Variants in TTN observed in about 807,000 individuals in gnomAD.
The protein encoded by TTN is titin, also known as connectin.
In TTN, 1,525 loss-of-function variants were observed where a neutral mutation model predicts 3,223.0. The observed-to-expected ratio is 0.47, with a 90% CI of 0.45 to 0.49. The LOEUF (loss-of-function observed/expected upper bound fraction) is 0.49, where lower values mean the gene tolerates loss of function less well. Among genes scored for constraint, TTN ranks in the 20% least tolerant of loss-of-function variants. The pLI is 0.00. For synonymous variants in TTN, 14,094 were observed against 15,161.0 expected (o/e 0.93, Z 5.17); for missense variants, 40,786 against 43,424.0 (o/e 0.94, Z 5.40).
Position 178,594,589 on chromosome 2 carries a change from G to A in TTN, c.57905C>T (p.Thr19302Ile). The change falls in exon 296 of 363, where the codon ACT becomes ATT. Residue 19302 changes from threonine (T) to isoleucine (I), a missense_variant. Thr to Ile is a moderately conservative substitution (Grantham distance 89). Coordinates refer to ENST00000589042, the MANE Select transcript of TTN (RefSeq NM_001267550.2). ...ATACTTAGGAGGATTCCAAGTCAAAGTTACAGTATTTTTAGTAACTTCTTT... is the reference window on the plus strand; with the variant it reads ...ATACTTAGGAGGATTCCAAGTCAAAATTACAGTATTTTTAGTAACTTCTTT... ...EVKEVTKNTVTLTWNPPKYDG... is the reference protein window; with the variant it reads ...EVKEVTKNTVILTWNPPKYDG... 6.2e-7 allele frequency: 1 copy of A among 1,612,834 alleles called. No homozygotes were observed.
intron 180 of TTN, among the ~76,000 whole-genome samples, chr2:178,660,716 G>A (rs1278772571): frequency 6.6e-6 from 1 of 152,304 alleles, no homozygotes; most frequent in Non-Finnish European, 1.5e-5. Flanking sequence ...CACAGCAAAG[G>A]AAACTACCAT....
Position 178,667,235 on chromosome 2 carries a change from C to G in TTN, c.35797+1G>C. On this transcript the variant is annotated splice_donor_variant, in intron 162 of 362. Coordinates refer to ENST00000589042, the MANE Select transcript of TTN (RefSeq NM_001267550.2). LOFTEE classifies it high-confidence loss of function. ...AGATTTTCCTAACTAGAGAATTATA[C>G]CTTCAGTTGGAGGATGTTCTGGAAT... 1 of 1,594,146 alleles carries G rather than the reference C, an allele frequency of 6.3e-7. No individual in the cohort carries two copies. Among genetic ancestry groups the G allele is most frequent in the Non-Finnish European group, 8.5e-7 (1 of 1,169,804 alleles).
chr2:178,705,438 T>C (rs528454657), intron 102 of TTN, 81 bp from the exon 103 acceptor site: 444 of 1,095,028 alleles, frequency 4.1e-4, no homozygotes, highest in Non-Finnish European at 5.1e-4. Flanking sequence ...AAAGATTATA[T>C]ACTTCATTAA....
In TTN at chr2:178,546,812, A is replaced by G. The variant is rs1697378195; in HGVS notation, c.94616T>C (p.Val31539Ala). 6.2e-7 allele frequency: 1 copy of G among 1,612,590 alleles called. No individual in the cohort carries two copies. The highest frequency in any genetic ancestry group is 1.1e-5 in the South Asian group (1 of 91,052). ...APAYDGGSKVVGYIIERKPVS... is the reference protein window; with the variant it reads ...APAYDGGSKVAGYIIERKPVS... Reference sequence around the variant, plus strand: ...TGGCTTACGCTCTATGATGTAGCCCACAACCTTGCTGCCTCCATCATACGC... The same window carrying G: ...TGGCTTACGCTCTATGATGTAGCCCGCAACCTTGCTGCCTCCATCATACGC... Residue 31539 changes from valine (V) to alanine (A), a missense_variant, in exon 341 of 363, where the codon GTG becomes GCG. Transcript: ENST00000589042.
Position 178,580,064 on chromosome 2 carries a change from C to G in TTN, c.67223G>C (p.Cys22408Ser). Residue 22408 changes from cysteine (C) to serine (S), a missense_variant, in exon 318 of 363, where the codon TGC (cysteine) becomes TCC (serine). Coordinates refer to ENST00000589042, the MANE Select transcript of TTN (RefSeq NM_001267550.2). ...RKSWSTVTTECSKTSFRVANL... is the reference protein window; with the variant it reads ...RKSWSTVTTESSKTSFRVANL... ...AGCTACTCTGAAGCTTGTTTTGGAG[C>G]ACTCAGTTGTCACTGTAGACCAGGA... 6.2e-7 allele frequency: 1 copy of G among 1,613,336 alleles called. No homozygotes were observed. The highest frequency in any genetic ancestry group is 1.3e-5 in the African/African-American group (1 of 74,992).
Position 178,729,271 on chromosome 2 carries a change from C to A in TTN, c.18868+17G>T, listed in dbSNP as rs922396967. ...TACAGAATTTTTATTTGATAGGCTG[C>A]TTCTTGTATAACTGACCTTTCAGGG... is the stretch of plus-strand genomic sequence containing the variant. On this transcript the variant is annotated intron_variant, in intron 64 of 362. Coordinates refer to ENST00000589042, the MANE Select transcript of TTN (RefSeq NM_001267550.2). The A allele has an allele frequency of 5.1e-6, 8 of 1,572,960 alleles. No individual in the cohort carries two copies. Among genetic ancestry groups the A allele is most frequent in the Non-Finnish European group, 5.2e-6 (6 of 1,160,556 alleles).
rs762321145 is a variant in TTN, at chr2:178,672,461, C to T, written c.34876G>A (p.Val11626Ile). 1 of 1,595,666 alleles carries T rather than the reference C, an allele frequency of 6.3e-7. No homozygotes were observed. Among genetic ancestry groups the T allele is most frequent in the Admixed American group, 1.8e-5 (1 of 55,682 alleles). The part of the protein sequence containing the change: ...PAKVPEVPKK[V>I]PEKKVLVPKK... ...GGCACAAGGACTTTCTTTTCTGGGA[C>T]TTTCTTTGGTACTTCAGGCACTTTA... The change falls in exon 154 of 363, where the codon GTC becomes ATC. Residue 11626 changes from valine to isoleucine, a missense_variant. By Grantham distance (29) the Val-to-Ile change is conservative. Coordinates refer to ENST00000589042, the MANE Select transcript of TTN (RefSeq NM_001267550.2).
intron 90 of TTN, 90 bp from the exon 91 acceptor site, chr2:178,714,663 G>A (rs970020839): frequency 7.3e-7 from 1 of 1,370,104 alleles, no homozygotes; most frequent in Admixed American, 2.6e-5. Context: ...TCAAACTAGT[G>A]ATAATGTGTT....
Position 178,610,239 on chromosome 2 carries a change from G to A in TTN, c.51287C>T (p.Pro17096Leu), listed in dbSNP as rs772628026. 5.6e-6 allele frequency: 9 copies of A among 1,612,964 alleles called. No individual in the cohort carries two copies. The highest frequency in any genetic ancestry group is 7.6e-6 in the Non-Finnish European group (9 of 1,179,264). The part of the protein sequence containing the change: ...RREAGRRTYI[P>L]VMSGENKLSW... ...CAGTTTGTTCTCACCAGACATGACT[G>A]GTATATATGTTCTCCTCCCAGCTTC... The change falls in exon 271 of 363, where the codon CCA becomes CTA. Residue 17096 changes from proline to leucine, a missense_variant. Transcript: ENST00000589042.
At chr2:178,679,282 GT>G (rs2068782540) in intron 142 of TTN, 56 bp downstream of exon 142, 2 of 1,569,250 alleles carry the variant, frequency 1.3e-6, no homozygotes, top group African/African-American at 2.7e-5. Context: ...GGCTCACCAA[GT>G]TATGCTGCAT....
chr2:178,541,741 A>C (rs1694622193), intron 349 of TTN, 157 bp from the exon 350 acceptor site: 1 of 485,280 alleles, frequency 2.1e-6, no homozygotes, highest in Non-Finnish European at 3.3e-6. Flanking sequence ...ACTATTTGTA[A>C]ATTTTAATTT....
At chr2:178,730,861 TAA>T in intron 60 of TTN, 62 bp downstream of exon 60, 1 of 1,525,744 alleles carries the variant, frequency 6.6e-7, no homozygotes. Flanking sequence ...TTTTTTTTTT[TAA>T]ATTTTAAGGG....
chr2:178,757,717 G>T lies in TTN; in HGVS notation c.10503C>A (p.Asn3501Lys). Residue 3501 changes from asparagine to lysine, a missense_variant, in exon 45 of 363, where the codon AAC becomes AAA. By Grantham distance (94) the Asn-to-Lys change is moderately conservative. Coordinates refer to ENST00000589042, the MANE Select transcript of TTN (RefSeq NM_001267550.2). ...CTTTTGTTGGTAGAATTAGCTGCTG[G>T]TTATGAAACCATTGGATTTCTGGCT... The part of the protein sequence containing the change: ...IPKPEIQWFH[N>K]QQLILPTKDV... The T allele has an allele frequency of 6.2e-7, 1 of 1,613,816 alleles. No individual in the cohort carries two copies. Among genetic ancestry groups the T allele is most frequent in the South Asian group, 1.1e-5 (1 of 91,072 alleles).
Position 178,635,566 on chromosome 2 carries a change from T to G in TTN, c.41758A>C (p.Lys13920Gln). The part of the protein sequence containing the change: ...YDEIPAEPND[K>Q]TEILRDGNHL... ...TTTCCATCTCTCAGTATTTCAGTCTTATCATTTGGTTCCGCAGGGATTTCA... is the reference window on the plus strand; with the variant it reads ...TTTCCATCTCTCAGTATTTCAGTCTGATCATTTGGTTCCGCAGGGATTTCA... Residue 13920 changes from lysine (K) to glutamine (Q), a missense_variant, in exon 227 of 363, where the codon AAG (lysine) becomes CAG (glutamine). Lys to Gln is a moderately conservative substitution (Grantham distance 53). Transcript: ENST00000589042. 6.3e-7 allele frequency: 1 copy of G among 1,594,742 alleles called. No individual in the cohort carries two copies. The highest frequency in any genetic ancestry group is 8.6e-7 in the Non-Finnish European group (1 of 1,169,160).
chr2:178,597,681 G>T lies in TTN; in HGVS notation c.57401C>A (p.Pro19134His). 1 of 1,613,320 alleles carries T rather than the reference G, an allele frequency of 6.2e-7. No individual in the cohort carries two copies. Among genetic ancestry groups the T allele is most frequent in the Non-Finnish European group, 8.5e-7 (1 of 1,179,546 alleles). Residue 19134 changes from proline to histidine, a missense_variant, in exon 294 of 363, where the codon CCT becomes CAT. By Grantham distance (77) the Pro-to-His change is moderately conservative (BLOSUM62 -2). Coordinates refer to ENST00000589042, the MANE Select transcript of TTN (RefSeq NM_001267550.2). ...VTWNMNERTL[P>H]QEATIETTAI... ...TGTGGTCTCAATGGTGGCTTCTTGA[G>T]GTAAGGTTCTTTCATTCATGTTCCA...
Position 178,632,359 on chromosome 2 carries a change from T to G in TTN, c.43535A>C (p.Glu14512Ala). Reference protein sequence around the residue: ...PLKDVTAKEKESAVFTVELSH... With the variant: ...PLKDVTAKEKASAVFTVELSH... ...TAACTCCACAGTAAATACAGCACTTTCCTTCTCTTTGGCAGTTACATCTTT... is the reference window on the plus strand; with the variant it reads ...TAACTCCACAGTAAATACAGCACTTGCCTTCTCTTTGGCAGTTACATCTTT... Residue 14512 changes from glutamate (E) to alanine (A), a missense_variant, in exon 236 of 363, where the codon GAA becomes GCA. Coordinates refer to ENST00000589042, the MANE Select transcript of TTN (RefSeq NM_001267550.2). 1 of 1,604,526 alleles carries G rather than the reference T, an allele frequency of 6.2e-7. No individual in the cohort carries two copies. The highest frequency in any genetic ancestry group is 8.5e-7 in the Non-Finnish European group (1 of 1,175,158).
Position 178,724,094 on chromosome 2 carries a change from C to A in TTN, c.21165G>T (p.Gly7055=), listed in dbSNP as rs1464945128. The change falls in exon 73 of 363, where the codon GGG becomes GGT. Residue 7055 remains glycine, a synonymous_variant. Coordinates refer to ENST00000589042, the MANE Select transcript of TTN (RefSeq NM_001267550.2). The stretch of plus-strand genomic sequence containing the variant: ...CCAAGATGCAAGAAGCACCTAACAC[C>A]CCACCAGTATTTTTCAGTCTTCGTG... ...SFTRRLKNTG[G]VLGASCILEC... The A allele has an allele frequency of 6.2e-7, 1 of 1,613,266 alleles. No individual in the cohort carries two copies. The highest frequency in any genetic ancestry group is 1.3e-5 in the African/African-American group (1 of 75,004).
Position 178,552,712 on chromosome 2 carries a change from G to T in TTN, c.90188C>A (p.Thr30063Lys). Residue 30063 changes from threonine to lysine, a missense_variant, in exon 335 of 363, where the codon ACA (threonine) becomes AAA (lysine). Coordinates refer to ENST00000589042, the MANE Select transcript of TTN (RefSeq NM_001267550.2). The stretch of plus-strand genomic sequence containing the variant: ...ACCTTTCCTTTCTACAACATATTCT[G>T]TGATGACGCTACCACCATCAAAGTC... ...KPDFDGGSVI[T>K]EYVVERKGKG... is the part of the protein sequence containing the mutation. The T allele has an allele frequency of 6.2e-7, 1 of 1,613,834 alleles. No individual in the cohort carries two copies. Among genetic ancestry groups the T allele is most frequent in the South Asian group, 1.1e-5 (1 of 91,086 alleles).
rs1271800091 is a variant in TTN, at chr2:178,631,061, T to G, written c.43987A>C (p.Lys14663Gln). The G allele has an allele frequency of 1.2e-5, 19 of 1,613,288 alleles. No individual in the cohort carries two copies. Among genetic ancestry groups the G allele is most frequent in the Non-Finnish European group, 1.5e-5 (18 of 1,179,574 alleles). ...GQYTCDCGTD[K>Q]TSGKLDIEDR... is the part of the protein sequence containing the mutation. ...TCAATGTCAAGTTTTCCTGAGGTCTTATCTGTCCCACAGTCACAGGTGTAC... is the reference window on the plus strand; with the variant it reads ...TCAATGTCAAGTTTTCCTGAGGTCTGATCTGTCCCACAGTCACAGGTGTAC... Residue 14663 changes from lysine to glutamine, a missense_variant, in exon 237 of 363, where the codon AAG (lysine) becomes CAG (glutamine). Coordinates refer to ENST00000589042, the MANE Select transcript of TTN (RefSeq NM_001267550.2).
Sources: gnomAD v4.1 joint callset for allele counts (sites outside exome capture counted in the v4.1 genomes callset) on GRCh38, gnomAD v4.1.1 for gene constraint, MANE v1.5 for transcripts, NCBI Gene and HGNC (gene_info 2026-07-23, HGNC 2026-07-21) for gene names.